The following CACNG5 variants were observed in gnomAD, a reference collection of about 807,000 sequenced individuals.
CACNG5 encodes voltage-dependent calcium channel gamma-5 subunit.
In CACNG5, 18 loss-of-function variants were observed where a neutral mutation model predicts 24.8. That is an observed-to-expected ratio of 0.73 (90% confidence interval 0.50 to 1.08). The LOEUF (loss-of-function observed/expected upper bound fraction) is 1.08, where lower values mean the gene tolerates loss of function less well. Ranked by LOEUF, CACNG5 falls within the 50% of genes least tolerant of loss-of-function variation. The pLI is 0.00. For missense variants in CACNG5, 349 were observed against 367.9 expected (o/e 0.95, Z 0.42); for synonymous variants, 157 against 149.1 (o/e 1.05, Z -0.39).
chr17:66,877,444 G>C lies in CACNG5; in HGVS notation c.112G>C (p.Glu38Gln). 1 of 1,614,132 alleles carries C rather than the reference G, an allele frequency of 6.2e-7. No homozygotes were observed. The part of the protein sequence containing the change: ...VSTDYWLYLE[E>Q]GVIVPQNQST... ...CACCGACTACTGGCTGTACCTGGAG[G>C]AGGGTGTGATTGTGCCCCAGAACCA... The change falls in exon 2 of 6, where the codon GAG (glutamate) becomes CAG (glutamine). Residue 38 changes from glutamate (E) to glutamine (Q), a missense_variant. Physicochemically the swap from Glu to Gln is conservative, Grantham distance 29 (BLOSUM62 2). Coordinates refer to ENST00000533854, the MANE Select transcript of CACNG5 (RefSeq NM_145811.3).
chr17:66,888,271 G>A lies in CACNG5; in HGVS notation c.*3031G>A, dbSNP rs979729563. Among the ~76,000 whole-genome samples, 13 of 149,464 alleles carry A rather than the reference G, an allele frequency of 8.7e-5. No individual in the cohort carries two copies. The highest frequency in any genetic ancestry group is 2.1e-4 in the South Asian group (1 of 4,708). On this transcript the variant is annotated 3_prime_UTR_variant, in exon 6 of 6. Transcript: ENST00000533854. ...GAGTTAAAGAAAGAGGAGGCCTGGC[G>A]CAGTGGCTCATGCCTGTAATCCCAG...
Position 66,887,846 on chromosome 17 carries a change from G to A in CACNG5, c.*2606G>A, listed in dbSNP as rs1977284440. Among the ~76,000 whole-genome samples the A allele has an allele frequency of 6.6e-6, 1 of 152,096 alleles. No homozygotes were observed. Among genetic ancestry groups the A allele is most frequent in the Admixed American group, 6.5e-5 (1 of 15,270 alleles). On this transcript the variant is annotated 3_prime_UTR_variant, in exon 6 of 6. Coordinates refer to ENST00000533854, the MANE Select transcript of CACNG5 (RefSeq NM_145811.3). ...AGGTTCTCGGTCATTACCTGTTTGGGGGTGGGTGCATGTGTCAATAATCAC... is the reference window on the plus strand; with the variant it reads ...AGGTTCTCGGTCATTACCTGTTTGGAGGTGGGTGCATGTGTCAATAATCAC...
chr17:66,840,610 C>G (rs57376488), intron 1 of CACNG5, among the ~76,000 whole-genome samples: 3,579 of 152,302 alleles, frequency 0.023, 260 homozygotes, highest in East Asian at 0.18. Flanking sequence ...ATGTCAGAGG[C>G]AGGTTCATCA....
At chr17:66,872,765 T>C (rs73333282) in intron 1 of CACNG5, among the ~76,000 whole-genome samples, 4,236 of 152,266 alleles carry the variant, frequency 0.028, 204 homozygotes, top group African/African-American at 0.096. Context: ...GTAGAAATCC[T>C]GGGTCAGAGT....
Position 66,893,688 on chromosome 17 carries a change from C to T in CACNG5, c.*8448C>T, listed in dbSNP as rs183795058. 3.3e-5 allele frequency among the ~76,000 whole-genome samples: 5 copies of T among 152,278 alleles called. No homozygotes were observed. In the East Asian group the frequency reaches 9.7e-4, roughly 29 times the overall value. On this transcript the variant is annotated 3_prime_UTR_variant, in exon 6 of 6. Coordinates refer to ENST00000533854, the MANE Select transcript of CACNG5 (RefSeq NM_145811.3). ...GGCTGACTCCCAGGGCACCATGGAG[C>T]AAATGGCCAGTGGGTGTGCCATGGC...
At chr17:66,836,447 G>A (rs1976483302) in intron 1 of CACNG5, among the ~76,000 whole-genome samples, 1 of 152,184 alleles carries the variant, frequency 6.6e-6, no homozygotes, top group South Asian at 2.1e-4. Context: ...GACCTTGATT[G>A]GCTCTGATGT....
At chr17:66,844,953 C>A (rs565889444) in intron 1 of CACNG5, among the ~76,000 whole-genome samples, 3 of 152,170 alleles carry the variant, frequency 2.0e-5, no homozygotes, top group Non-Finnish European at 4.4e-5. Context: ...CTCTTCTCTT[C>A]ATTTAAAACA....
Position 66,875,559 on chromosome 17 carries a change from C to T in CACNG5, c.-103-1671C>T, listed in dbSNP as rs115472831. Among the ~76,000 whole-genome samples the T allele has an allele frequency of 1.8e-3, 275 of 152,326 alleles. 4 individuals are homozygous for T. Among genetic ancestry groups the T allele is most frequent in the African/African-American group, 5.9e-3 (247 of 41,568 alleles). ...AGAGGCTCTAAACTCTGCCACTCTCCTCCTACAGTCAACTCAGACTCTGCA... is the reference window on the plus strand; with the variant it reads ...AGAGGCTCTAAACTCTGCCACTCTCTTCCTACAGTCAACTCAGACTCTGCA... On this transcript the variant is annotated intron_variant, in intron 1 of 5. Transcript: ENST00000533854.
rs114331267 is a variant in CACNG5, at chr17:66,873,874, A to T, written c.-103-3356A>T. ...AAGCAAAGCTAAGCAGGCTTTTCAA[A>T]GCCTTTACCATAATGTGCAATGCGG... is the stretch of plus-strand genomic sequence containing the variant. On this transcript the variant is annotated intron_variant, in intron 1 of 5. Coordinates refer to ENST00000533854, the MANE Select transcript of CACNG5 (RefSeq NM_145811.3). Among the ~76,000 whole-genome samples the T allele has an allele frequency of 7.1e-3, 1,071 of 151,828 alleles. 13 individuals carry two copies. The highest frequency in any genetic ancestry group is 0.025 in the African/African-American group (1,025 of 41,376).
chr17:66,858,007 G>A (rs1425872257), intron 1 of CACNG5, among the ~76,000 whole-genome samples: 1 of 152,176 alleles, frequency 6.6e-6, no homozygotes, highest in East Asian at 1.9e-4. Flanking sequence ...AATCCTGTCT[G>A]GGCATGGGCT....
chr17:66,893,345 C>T lies in CACNG5; in HGVS notation c.*8105C>T, dbSNP rs756592460. On this transcript the variant is annotated 3_prime_UTR_variant, in exon 6 of 6. Transcript: ENST00000533854. ...GTGTCGTTTCCTGAAAGCCTCTACACGTTAATCCTGACTCCTTCTCTCCCA... is the reference window on the plus strand; with the variant it reads ...GTGTCGTTTCCTGAAAGCCTCTACATGTTAATCCTGACTCCTTCTCTCCCA... Among the ~76,000 whole-genome samples the T allele has an allele frequency of 4.6e-5, 7 of 152,266 alleles. No individual in the cohort carries two copies. The East Asian group carries it at 5.8e-4, about 13-fold the overall frequency.
chr17:66,846,482 A>G (rs1976639151), intron 1 of CACNG5, among the ~76,000 whole-genome samples: 1 of 152,216 alleles, frequency 6.6e-6, no homozygotes, highest in Non-Finnish European at 1.5e-5. Context: ...TTATAATCAT[A>G]CAACAAGTGG....
rs1212505536 is a variant in CACNG5 at position 66,849,359 on chromosome 17, C to G, written c.-104+14109C>G. Among the ~76,000 whole-genome samples the G allele has an allele frequency of 3.3e-5, 5 of 151,842 alleles. No individual in the cohort carries two copies. In the East Asian group the frequency reaches 5.9e-4, roughly 18 times the overall value. On this transcript the variant is annotated intron_variant, in intron 1 of 5. Coordinates refer to ENST00000533854, the MANE Select transcript of CACNG5 (RefSeq NM_145811.3). ...ACGGGAGGGGCAGAGGAGGAGGAGG[C>G]CAGCAGGCCCGATGGAGCCAGCCCA...
At chr17:66,839,317 G>A (rs377696832) in intron 1 of CACNG5, among the ~76,000 whole-genome samples, 1 of 151,998 alleles carries the variant, frequency 6.6e-6, no homozygotes, top group Non-Finnish European at 1.5e-5. Context: ...AATCCCCTGG[G>A]AGGCAAAGTA....
intron 4 of CACNG5, among the ~76,000 whole-genome samples, chr17:66,883,488 GAAC>G (rs561475545): frequency 2.2e-4 from 33 of 152,340 alleles, no homozygotes; most frequent in African/African-American, 7.5e-4. Context: ...AATTAAACCT[GAAC>G]AACTCAAAAG....
intron 1 of CACNG5, among the ~76,000 whole-genome samples, chr17:66,850,599 T>TACACACACAC (rs56797058): frequency 1.1e-4 from 16 of 142,318 alleles, no homozygotes; most frequent in African/African-American, 4.4e-4. Flanking sequence ...CACAAATACA[T>TACACACACAC]ACACACACAC....
At chr17:66,861,739 G>A (rs143488569) in intron 1 of CACNG5, among the ~76,000 whole-genome samples, 345 of 152,318 alleles carry the variant, frequency 2.3e-3, no homozygotes, top group African/African-American at 7.7e-3. Context: ...TATTGCACCC[G>A]GTAGCCATGG....
At chr17:66,884,748 CAT>C (rs1977225830) in intron 5 of CACNG5, 87 bp downstream of exon 5, 1 of 1,613,844 alleles carries the variant, frequency 6.2e-7, no homozygotes, top group African/African-American at 1.3e-5. Flanking sequence ...GGAGAAGGGA[CAT>C]TCCACAACCA....
intron 1 of CACNG5, among the ~76,000 whole-genome samples, chr17:66,850,592 A>G (rs369561223): frequency 7.4e-5 from 10 of 135,778 alleles, no homozygotes; most frequent in African/African-American, 3.0e-4. Context: ...ATACATACAC[A>G]AATACATACA....
Sources: allele counts gnomAD v4.1 joint callset (sites outside exome capture counted in the v4.1 genomes callset), GRCh38; gene constraint gnomAD v4.1.1; transcripts MANE v1.5; gene names NCBI Gene and HGNC (gene_info 2026-07-23, HGNC 2026-07-21).